PIK3CD: variants seen among roughly 807,000 people sequenced by gnomAD.
PIK3CD encodes phosphatidylinositol-4,5-bisphosphate 3-kinase catalytic subunit delta, also known as phosphatidylinositol 4,5-bisphosphate 3-kinase catalytic subunit delta isoform.
Under a neutral mutation model 122.9 loss-of-function variants are expected in PIK3CD, and 20 were observed. The observed-to-expected ratio is 0.16, with a 90% CI of 0.11 to 0.24. PIK3CD has a LOEUF of 0.24. Among genes scored for constraint, PIK3CD ranks in the 10% least tolerant of loss-of-function variants. The probability of loss-of-function intolerance (pLI) is 1.00; values close to 1 mark genes in which losing one functional copy is unlikely to be tolerated. For missense variants in PIK3CD, 787 were observed against 1,406.3 expected (o/e 0.56, Z 7.04); for synonymous variants, 596 against 593.4 (o/e 1.00, Z -0.06).
chr1:9,714,468 CT>C (rs2100826656), intron 3 of PIK3CD, among the ~76,000 whole-genome samples: 1 of 152,254 alleles, frequency 6.6e-6, no homozygotes, highest in Admixed American at 6.5e-5. Context: ...TTGCTCACCC[CT>C]GGTCTATGTT....
chr1:9,691,373 T>C (rs1646190322), intron 1 of PIK3CD, 94 bp from the exon 2 acceptor site: 2 of 393,832 alleles, frequency 5.1e-6, no homozygotes, highest in Non-Finnish European at 8.9e-6. Flanking sequence ...GCAGTTGATT[T>C]TGAGCTAACG....
rs1232467839 is a variant in PIK3CD at position 9,718,505 on chromosome 1, G to C, written c.1021-189G>C. On this transcript the variant is annotated intron_variant, in intron 8 of 23. Coordinates refer to ENST00000377346, the MANE Select transcript of PIK3CD (RefSeq NM_005026.5). This position sits in a 1 kb window ranked among gnomAD's most constrained non-coding sequence, Gnocchi z 7.2. Reference sequence around the variant, plus strand: ...GACAGGGCACCCATGCACAGCCCGTGGTACCCTCCCTCACCCCAGGGCCGC... The same window carrying C: ...GACAGGGCACCCATGCACAGCCCGTCGTACCCTCCCTCACCCCAGGGCCGC... Among the ~76,000 whole-genome samples, 2 of 152,158 alleles carry C rather than the reference G, an allele frequency of 1.3e-5. No individual in the cohort carries two copies. The highest frequency in any genetic ancestry group is 3.9e-4 in the East Asian group (2 of 5,164).
intron 2 of PIK3CD, among the ~76,000 whole-genome samples, chr1:9,702,495 CTTTCCTT>C (rs1646674130): frequency 2.0e-5 from 1 of 49,316 alleles, no homozygotes; most frequent in Non-Finnish European, 4.9e-5. Flanking sequence ...AAGGAAAGAA[CTTTCCTT>C]TTTTTTTTTT....
At position 9,718,139 on chromosome 1, in the gene PIK3CD, T is replaced by C. The variant is rs1237876387; in HGVS notation, c.1020+513T>C. ...GCTTTATTGTCCTGTTTGCTGGACA[T>C]GATACCTGAGTCCTCAGAGGTTGGC... On this transcript the variant is annotated intron_variant, in intron 8 of 23. Transcript: ENST00000377346. This position sits in a 1 kb window ranked among gnomAD's most constrained non-coding sequence, Gnocchi z 7.2. 11 of 463,158 alleles carry C rather than the reference T, an allele frequency of 2.4e-5. No individual in the cohort carries two copies. In the East Asian group the frequency reaches 6.1e-4, roughly 26 times the overall value. 28.7% of individuals were successfully genotyped at this position (463,158 alleles called of 1,614,324 possible).
intron 2 of PIK3CD, among the ~76,000 whole-genome samples, chr1:9,692,916 C>A (rs779374842): frequency 5.3e-5 from 8 of 152,122 alleles, no homozygotes; most frequent in Non-Finnish European, 1.0e-4. Flanking sequence ...TGCACATAAG[C>A]AAAAGCCATA....
chr1:9,687,053 T>G (rs574067283), intron 1 of PIK3CD, among the ~76,000 whole-genome samples: 1 of 152,316 alleles, frequency 6.6e-6, no homozygotes, highest in South Asian at 2.1e-4. Flanking sequence ...ATCTTGGATT[T>G]TTCTCTGGGC....
At position 9,715,975 on chromosome 1, in the gene PIK3CD, G is replaced by A; in HGVS notation, c.497G>A (p.Ser166Asn). The A allele has an allele frequency of 1.9e-6, 3 of 1,612,472 alleles. No individual in the cohort carries two copies. Among genetic ancestry groups the A allele is most frequent in the Non-Finnish European group, 2.5e-6 (3 of 1,179,860 alleles). ...QLGWEAWLQY[S>N]FPLQLEPSAQ... ...GGCTGGGAGGCCTGGCTGCAGTACA[G>A]TTTCCCCCTGCAGCTGGAGCCCTCG... Residue 166 changes from serine (S) to asparagine (N), a missense_variant, in exon 5 of 24, where the codon AGT (serine) becomes AAT (asparagine). This residue lies in a region of PIK3CD where 592 missense variants were observed against 920.6 expected (regional missense o/e 0.64). Transcript: ENST00000377346. This position sits in a 1 kb window ranked among gnomAD's most constrained non-coding sequence, Gnocchi z 4.1.
chr1:9,692,746 A>T (rs1646252035), intron 2 of PIK3CD, among the ~76,000 whole-genome samples: 2 of 152,166 alleles, frequency 1.3e-5, no homozygotes, highest in Admixed American at 1.3e-4. Flanking sequence ...ATAAATAAAT[A>T]AAATAAATCA....
chr1:9,684,040 A>G (rs1300173168), intron 1 of PIK3CD, among the ~76,000 whole-genome samples: 1 of 152,146 alleles, frequency 6.6e-6, no homozygotes, highest in Non-Finnish European at 1.5e-5. Context: ...CAGAATTCCA[A>G]GAGCCAGCAT....
intron 2 of PIK3CD, among the ~76,000 whole-genome samples, chr1:9,709,932 A>G (rs1036286971): frequency 6.6e-6 from 1 of 151,946 alleles, no homozygotes; most frequent in Non-Finnish European, 1.5e-5. Flanking sequence ...CTTGAACCCA[A>G]GAGGCGGAGA....
intron 1 of PIK3CD, among the ~76,000 whole-genome samples, chr1:9,656,220 G>A (rs947584606): frequency 2.0e-5 from 3 of 152,122 alleles, no homozygotes; most frequent in African/African-American, 7.2e-5. Flanking sequence ...GATGCTGTAC[G>A]GGTTAAGTAT....
chr1:9,675,765 T>C (rs1057470328), intron 1 of PIK3CD, among the ~76,000 whole-genome samples: 12 of 151,336 alleles, frequency 7.9e-5, no homozygotes, highest in Non-Finnish European at 1.2e-4. Context: ...TGTTTTTGTT[T>C]TGTTTTTTCC....
intron 2 of PIK3CD, among the ~76,000 whole-genome samples, chr1:9,695,275 T>C (rs1367599973): frequency 6.6e-6 from 1 of 152,002 alleles, no homozygotes; most frequent in Non-Finnish European, 1.5e-5. Context: ...AGACCCAGCA[T>C]GCACCACATA....
intron 1 of PIK3CD, among the ~76,000 whole-genome samples, chr1:9,675,586 G>C (rs1006735379): frequency 6.6e-6 from 1 of 151,942 alleles, no homozygotes; most frequent in Admixed American, 6.6e-5. Flanking sequence ...GAAGTGCTGG[G>C]TTGGGGGAGG....
chr1:9,706,931 A>C (rs1646855417), intron 2 of PIK3CD, among the ~76,000 whole-genome samples: 1 of 151,588 alleles, frequency 6.6e-6, no homozygotes, highest in Non-Finnish European at 1.5e-5. Context: ...TCAGCTTCCA[A>C]GTAGCTGCGA....
chr1:9,656,590 G>A (rs563618141), intron 1 of PIK3CD, among the ~76,000 whole-genome samples: 1 of 152,258 alleles, frequency 6.6e-6, no homozygotes, highest in Non-Finnish European at 1.5e-5. Flanking sequence ...GATTGAGCCT[G>A]TGAGTAGCCA....
chr1:9,706,781 C>T (rs1302493106), intron 2 of PIK3CD, among the ~76,000 whole-genome samples: 3 of 150,710 alleles, frequency 2.0e-5, no homozygotes, highest in Non-Finnish European at 4.4e-5. Flanking sequence ...TGCCTTTTCA[C>T]TGTTTTTGGC....
chr1:9,685,042 T>G (rs1021853233), intron 1 of PIK3CD, among the ~76,000 whole-genome samples: 5 of 152,044 alleles, frequency 3.3e-5, no homozygotes, highest in African/African-American at 1.2e-4. Flanking sequence ...TGCCAGATGC[T>G]AATTAACTTT....
intron 1 of PIK3CD, chr1:9,653,685 A>G: frequency 2.8e-6 from 2 of 714,366 alleles, no homozygotes; most frequent in Non-Finnish European, 2.1e-6. Context: ...TGAGGCTGCG[A>G]CCAAACGCAA....
Sources: gnomAD v4.1 joint callset for allele counts (sites outside exome capture counted in the v4.1 genomes callset) on GRCh38, gnomAD v4.1.1 for gene constraint, gnomAD v4.1.1 regional missense constraint, Gnocchi (gnomAD v3.1) non-coding constraint, MANE v1.5 for transcripts, NCBI Gene and HGNC (gene_info 2026-07-23, HGNC 2026-07-21) for gene names.